EFHD1: variants seen among roughly 807,000 people sequenced by gnomAD.
The protein encoded by EFHD1 is EF-hand domain-containing protein D1.
In EFHD1, 10 loss-of-function variants were observed where a neutral mutation model predicts 17.2. That is an observed-to-expected ratio of 0.58 (90% confidence interval 0.36 to 0.99). EFHD1 has a LOEUF of 0.99. EFHD1 is among the 50% of genes least tolerant of loss of function. The probability of loss-of-function intolerance (pLI) is 0.01; values close to 1 mark genes in which losing one functional copy is unlikely to be tolerated. For missense variants in EFHD1, 310 were observed against 327.5 expected (o/e 0.95, Z 0.41); for synonymous variants, 153 against 142.0 (o/e 1.08, Z -0.55).
At chr2:232,665,370 T>G (rs1694950607) in intron 2 of EFHD1, among the ~76,000 whole-genome samples, 2 of 152,152 alleles carry the variant, frequency 1.3e-5, no homozygotes, top group African/African-American at 4.8e-5. Flanking sequence ...AGATGTGTCT[T>G]TATGAGTTTT....
chr2:232,608,682 G>C (rs1255898133), intron 1 of EFHD1, among the ~76,000 whole-genome samples: 1 of 152,146 alleles, frequency 6.6e-6, no homozygotes, highest in East Asian at 1.9e-4. Flanking sequence ...TGTAATGCCA[G>C]CACTTTGAGA....
rs1172974479 is a variant in EFHD1 at position 232,681,860 on chromosome 2, G to C, written c.*141G>C. The C allele has an allele frequency of 7.5e-7, 1 of 1,331,118 alleles. No individual in the cohort carries two copies. Among genetic ancestry groups the C allele is most frequent in the Admixed American group, 2.7e-5 (1 of 37,112 alleles). 82.5% of individuals were successfully genotyped at this position (1,331,118 alleles called of 1,614,324 possible). A position where few individuals can be genotyped will look rare whatever the true frequency, so the allele number is the denominator to read the frequency against. On this transcript the variant is annotated 3_prime_UTR_variant, in exon 4 of 4. Coordinates refer to ENST00000264059, the MANE Select transcript of EFHD1 (RefSeq NM_025202.4). Reference sequence around the variant, plus strand: ...CCACCCCGTGCCAGCTCCCGTGCCAGCCTTCATTCCTCCCAGTGTCCAAGC... The same window carrying C: ...CCACCCCGTGCCAGCTCCCGTGCCACCCTTCATTCCTCCCAGTGTCCAAGC...
rs1318798261 is a variant in EFHD1 at position 232,633,911 on chromosome 2, T to C, written c.207T>C (p.Ala69=). 1.3e-6 allele frequency: 2 copies of C among 1,583,624 alleles called. No homozygotes were observed. The highest frequency in any genetic ancestry group is 8.5e-7 in the Non-Finnish European group (1 of 1,173,882). ...LSRRLDINEG[A]ARPRRCRVFN... is the part of the protein sequence containing the mutation. ...GGCGGCTGGACATCAACGAGGGCGC[T>C]GCGCGGCCCCGGCGCTGCAGGGTCT... is the stretch of plus-strand genomic sequence containing the variant. Residue 69 remains alanine, a synonymous_variant, in exon 1 of 4, where the codon GCT becomes GCC. Coordinates refer to ENST00000264059, the MANE Select transcript of EFHD1 (RefSeq NM_025202.4).
intron 1 of EFHD1, among the ~76,000 whole-genome samples, chr2:232,613,685 TACACAAATATACACACAC>T (rs1693853626): frequency 3.6e-5 from 1 of 27,548 alleles, no homozygotes; most frequent in African/African-American, 1.6e-4. Flanking sequence ...TATACACACA[TACACAAATATACACACAC>T]ATACACACAC....
intron 1 of EFHD1, among the ~76,000 whole-genome samples, chr2:232,637,157 C>T (rs78728347): frequency 0.08 from 12,135 of 152,198 alleles, 759 homozygotes; most frequent in African/African-American, 0.17. Context: ...CTGAAACCAA[C>T]GTGTCAGCCG....
At chr2:232,640,751 G>A (rs1421313114) in intron 1 of EFHD1, among the ~76,000 whole-genome samples, 5 of 152,142 alleles carry the variant, frequency 3.3e-5, no homozygotes, top group African/African-American at 1.2e-4. Flanking sequence ...GGATGTGAGA[G>A]TTGGGGACAC....
At chr2:232,643,363 G>A (rs186307068) in intron 1 of EFHD1, among the ~76,000 whole-genome samples, 11 of 152,012 alleles carry the variant, frequency 7.2e-5, no homozygotes, top group Admixed American at 1.3e-4. Flanking sequence ...ACTGAATAAC[G>A]TTCCAGGGCT....
rs143935456 is a variant in EFHD1 at position 232,616,550 on chromosome 2, C to T, written c.14+10377C>T. ...CTGACCTCAGGTGATCTACCCACCT[C>T]GGCCTCCCAAAGTGCTGGGATTACA... On this transcript the variant is annotated intron_variant, in intron 1 of 3. Transcript: ENST00000409613. Among the ~76,000 whole-genome samples the T allele has an allele frequency of 1.7e-3, 261 of 152,012 alleles. 2 individuals are homozygous for T. The highest frequency in any genetic ancestry group is 5.8e-3 in the African/African-American group (239 of 41,466).
chr2:232,631,574 G>A (rs1694201393), upstream of EFHD1, among the ~76,000 whole-genome samples: 1 of 151,362 alleles, frequency 6.6e-6, no homozygotes, highest in African/African-American at 2.4e-5. Flanking sequence ...GCCTCCCAAA[G>A]TGCTGGGATT....
intron 2 of EFHD1, among the ~76,000 whole-genome samples, chr2:232,667,332 C>T (rs150632598): frequency 1.1e-3 from 165 of 152,054 alleles, no homozygotes; most frequent in Admixed American, 3.5e-3. Flanking sequence ...TGAAGTGCTC[C>T]GGATTGGCTC....
exon 1 of EFHD1, chr2:232,606,087 C>A: frequency 3.3e-6 from 5 of 1,515,896 alleles, no homozygotes; most frequent in Non-Finnish European, 4.5e-6. Flanking sequence ...CCGGCCTTGG[C>A]GGCTGCTTGC....
intron 1 of EFHD1, among the ~76,000 whole-genome samples, chr2:232,647,977 C>G (rs532408403): frequency 2.0e-5 from 3 of 152,284 alleles, no homozygotes; most frequent in Admixed American, 2.0e-4. Flanking sequence ...AGGTGGCTCA[C>G]TCCTGTAGTC....
chr2:232,630,644 A>T (rs1482764343), upstream of EFHD1, among the ~76,000 whole-genome samples: 1 of 152,046 alleles, frequency 6.6e-6, no homozygotes, highest in Admixed American at 6.6e-5. Context: ...ATCCACTCCC[A>T]TTAATTTCAG....
intron 2 of EFHD1, among the ~76,000 whole-genome samples, chr2:232,667,780 A>G (rs907519280): frequency 2.7e-5 from 4 of 150,830 alleles, no homozygotes; most frequent in African/African-American, 9.8e-5. Context: ...CTGGTCTCAA[A>G]CTCCTGACCT....
chr2:232,633,039 T>C (rs913573275), upstream of EFHD1, among the ~76,000 whole-genome samples: 4 of 152,278 alleles, frequency 2.6e-5, no homozygotes, highest in African/African-American at 7.2e-5. Context: ...CTCTTTTTTG[T>C]TTGCTTATTT....
intron 1 of EFHD1, among the ~76,000 whole-genome samples, chr2:232,636,971 G>A (rs1053283188): frequency 3.3e-5 from 5 of 152,158 alleles, no homozygotes; most frequent in African/African-American, 4.8e-5. Context: ...CCGGGTCCCC[G>A]TGGGACTGTG....
chr2:232,670,794 A>T (rs189498823), intron 2 of EFHD1, among the ~76,000 whole-genome samples: 1 of 152,320 alleles, frequency 6.6e-6, no homozygotes, highest in Admixed American at 6.5e-5. Context: ...TAGCATAAAC[A>T]TACTTAAAAG....
In EFHD1 at chr2:232,658,439, G is replaced by A. The variant is rs142674096; in HGVS notation, c.303-4363G>A. On this transcript the variant is annotated intron_variant, in intron 1 of 3. Transcript: ENST00000264059. ...CACCCTGAGTGGTAACATCAGGTCA[G>A]CTGTGGTTTTCTGTTAGATCAACTT... Among the ~76,000 whole-genome samples the A allele has an allele frequency of 3.2e-3, 483 of 152,300 alleles. 1 individual carries two copies. Among genetic ancestry groups the A allele is most frequent in the African/African-American group, 0.011 (442 of 41,564 alleles).
intron 1 of EFHD1, among the ~76,000 whole-genome samples, chr2:232,640,538 C>A (rs1359914994): frequency 6.6e-6 from 1 of 152,166 alleles, no homozygotes; most frequent in Non-Finnish European, 1.5e-5. Flanking sequence ...TTTTTTCATT[C>A]ATTTAGCTAA....
Sources: allele counts gnomAD v4.1 joint callset (sites outside exome capture counted in the v4.1 genomes callset), GRCh38; gene constraint gnomAD v4.1.1; transcripts MANE v1.5; gene names NCBI Gene and HGNC (gene_info 2026-07-23, HGNC 2026-07-21).